Variants in SAMD12 observed in about 807,000 individuals in gnomAD.
The protein encoded by SAMD12 is sterile alpha motif domain containing 12.
A neutral mutation model predicts 15.0 loss-of-function variants in SAMD12; 9 were observed. The ratio of observed to expected loss-of-function variants is 0.60; its 90% confidence interval spans 0.36 to 1.05. The LOEUF (loss-of-function observed/expected upper bound fraction) is 1.05, where lower values mean the gene tolerates loss of function less well. Ranked by LOEUF, SAMD12 falls within the 50% of genes least tolerant of loss-of-function variation. The probability of loss-of-function intolerance (pLI) is 0.01; values close to 1 mark genes in which losing one functional copy is unlikely to be tolerated. For missense variants in SAMD12, 230 were observed against 234.2 expected, an observed-to-expected ratio of 0.98 and a Z score of 0.12; for synonymous variants, 86 against 90.1, an observed-to-expected ratio of 0.96 and a Z score of 0.25.
chr8:118,469,782 C>G (rs55699472), intron 2 of SAMD12, among the ~76,000 whole-genome samples: 57,915 of 150,226 alleles, frequency 0.39, 13,281 homozygotes, highest in Non-Finnish European at 0.49. Context: ...AGACTGGACT[C>G]AATCTCCTGA....
chr8:118,610,707 A>G (rs1393770172), intron 1 of SAMD12, among the ~76,000 whole-genome samples: 4 of 152,192 alleles, frequency 2.6e-5, no homozygotes, highest in African/African-American at 9.7e-5. Context: ...TAGATTAGAG[A>G]ATAAAAAAGG....
intron 2 of SAMD12, among the ~76,000 whole-genome samples, chr8:118,492,864 C>T (rs981997187): frequency 6.6e-6 from 1 of 152,088 alleles, no homozygotes; most frequent in Non-Finnish European, 1.5e-5. Flanking sequence ...AAATTACTTC[C>T]CTTAATGTAT....
chr8:118,434,517 A>G (rs957544195), intron 3 of SAMD12, among the ~76,000 whole-genome samples: 2 of 152,154 alleles, frequency 1.3e-5, no homozygotes, highest in African/African-American at 2.4e-5. Context: ...CAGATAGAGG[A>G]TTTGAAGCCA....
chr8:118,287,195 G>C (rs1185115570), intron 4 of SAMD12, among the ~76,000 whole-genome samples: 2 of 150,786 alleles, frequency 1.3e-5, no homozygotes, highest in East Asian at 3.9e-4. Flanking sequence ...CTCTATCTCG[G>C]CTCACTGCAA....
At chr8:118,546,877 C>G (rs751988749) in intron 2 of SAMD12, among the ~76,000 whole-genome samples, 1 of 152,178 alleles carries the variant, frequency 6.6e-6, no homozygotes, top group Non-Finnish European at 1.5e-5. Context: ...GTTTGCTTTA[C>G]AGTAGGCTCC....
intron 2 of SAMD12, among the ~76,000 whole-genome samples, chr8:118,500,940 T>C (rs1341035448): frequency 6.6e-6 from 1 of 152,220 alleles, no homozygotes; most frequent in Non-Finnish European, 1.5e-5. Flanking sequence ...TTACAGGGTG[T>C]AAGAGGACAG....
chr8:118,603,574 C>T (rs993468831), intron 1 of SAMD12, among the ~76,000 whole-genome samples: 2 of 152,178 alleles, frequency 1.3e-5, no homozygotes, highest in South Asian at 2.1e-4. Flanking sequence ...TTCAGATATG[C>T]AAGTTCTCAA....
chr8:118,517,070 T>C (rs1412018962), intron 2 of SAMD12, among the ~76,000 whole-genome samples: 1 of 152,218 alleles, frequency 6.6e-6, no homozygotes, highest in African/African-American at 2.4e-5. Flanking sequence ...CTGACTCTTA[T>C]TCTCCTTCTA....
chr8:118,516,281 T>C (rs997789026), intron 2 of SAMD12, among the ~76,000 whole-genome samples: 3 of 152,394 alleles, frequency 2.0e-5, no homozygotes, highest in Non-Finnish European at 4.4e-5. Context: ...CCTAGTATTA[T>C]GTACTATCTA....
At chr8:118,306,962 G>A (rs1815380323) in intron 4 of SAMD12, among the ~76,000 whole-genome samples, 1 of 152,180 alleles carries the variant, frequency 6.6e-6, no homozygotes, top group Admixed American at 6.5e-5. Flanking sequence ...AGTTTTCTCT[G>A]AAAGCAGGGT....
chr8:118,360,684 T>A (rs1237062087), intron 4 of SAMD12, among the ~76,000 whole-genome samples: 1 of 152,202 alleles, frequency 6.6e-6, no homozygotes, highest in Non-Finnish European at 1.5e-5. Flanking sequence ...GGTGGATGAT[T>A]AAGGAGTTCA....
chr8:118,156,670 T>G, the SAMD12 span, among the ~76,000 whole-genome samples: 7 of 152,182 alleles, frequency 4.6e-5, no homozygotes, highest in Admixed American at 4.6e-4. Context: ...TATACTGTGC[T>G]AGACATTCAT....
At chr8:118,179,950 T>C in the SAMD12 span, among the ~76,000 whole-genome samples, 1 of 152,196 alleles carries the variant, frequency 6.6e-6, no homozygotes, top group African/African-American at 2.4e-5. Context: ...AAGATGACAA[T>C]TTAAATCGTG....
At chr8:118,345,230 T>C (rs1817575839) in intron 4 of SAMD12, among the ~76,000 whole-genome samples, 1 of 152,222 alleles carries the variant, frequency 6.6e-6, no homozygotes, top group Non-Finnish European at 1.5e-5. Context: ...TGACATGCTG[T>C]ACAGGTTTGC....
chr8:118,523,354 TCA>T (rs1238002998), intron 2 of SAMD12, among the ~76,000 whole-genome samples: 2 of 152,174 alleles, frequency 1.3e-5, no homozygotes, highest in Non-Finnish European at 2.9e-5. Flanking sequence ...AGCACCAATG[TCA>T]CAGTGGCTGA....
intron 2 of SAMD12, among the ~76,000 whole-genome samples, chr8:118,515,817 T>C (rs1330800590): frequency 6.6e-6 from 1 of 152,212 alleles, no homozygotes; most frequent in East Asian, 1.9e-4. Flanking sequence ...GGAGGCTGTG[T>C]TTAACTGGCA....
intron 2 of SAMD12, among the ~76,000 whole-genome samples, chr8:118,512,243 TG>T (rs1825110465): frequency 6.6e-6 from 1 of 152,162 alleles, no homozygotes; most frequent in Admixed American, 6.5e-5. Context: ...AATTTGTGGC[TG>T]GGGACTGCCA....
chr8:118,436,893 T>C (rs1822590496), intron 3 of SAMD12, among the ~76,000 whole-genome samples: 1 of 152,202 alleles, frequency 6.6e-6, no homozygotes, highest in Non-Finnish European at 1.5e-5. Flanking sequence ...CACTATGAGG[T>C]AGATACTATT....
chr8:118,164,499 T>A, the SAMD12 span, among the ~76,000 whole-genome samples: 1 of 152,048 alleles, frequency 6.6e-6, no homozygotes, highest in Non-Finnish European at 1.5e-5. Context: ...TGCACTTGAG[T>A]TCTCTCTGGT....
Sources: gnomAD v4.1 joint callset for allele counts (sites outside exome capture counted in the v4.1 genomes callset) on GRCh38, gnomAD v4.1.1 for gene constraint, MANE v1.5 for transcripts, NCBI Gene and HGNC (gene_info 2026-07-23, HGNC 2026-07-21) for gene names.